POU2F2: variants seen among roughly 807,000 people sequenced by gnomAD.
POU2F2 encodes the protein POU domain, class 2, transcription factor 2.
Under a neutral mutation model 63.5 loss-of-function variants are expected in POU2F2, and 14 were observed. The ratio of observed to expected loss-of-function variants is 0.22; its 90% CI spans 0.15 to 0.34. The LOEUF is 0.34. Among genes scored for constraint, POU2F2 ranks in the 10% least tolerant of loss-of-function variants. POU2F2 has a pLI of 1.00. For synonymous variants in POU2F2, 306 were observed against 348.6 expected (o/e 0.88, Z 1.36); for missense variants, 607 against 815.2 (o/e 0.74, Z 3.11).
chr19:42,178,774 A>G (rs551071499), upstream of POU2F2, among the ~76,000 whole-genome samples: 1 of 152,344 alleles, frequency 6.6e-6, no homozygotes, highest in African/African-American at 2.4e-5. Context: ...AGAGACAGAA[A>G]GAAATGTGCA....
upstream of POU2F2, chr19:42,132,657 T>C: frequency 2.5e-6 from 1 of 401,956 alleles, no homozygotes; most frequent in Non-Finnish European, 4.4e-6. Flanking sequence ...AGCCGACTCC[T>C]ACGGCTGCGA....
At chr19:42,178,318 T>C (rs966875177), upstream of POU2F2, among the ~76,000 whole-genome samples, 1 of 146,450 alleles carries the variant, frequency 6.8e-6, no homozygotes, top group South Asian at 2.2e-4. Context: ...AGTGAAAAAA[T>C]ATATATGGGG....
Position 42,172,747 on chromosome 19 carries a change from G to T in POU2F2, c.-70+3216C>A, listed in dbSNP as rs764176369. On this transcript the variant is annotated intron_variant, in intron 1 of 6. Coordinates refer to the POU2F2 transcript ENST00000524801. ...GCTCATTTGCTGGCTCTCCCTTCAG[G>T]ATATAAAGCGAGACCCACATCCTTA... 4.6e-4 allele frequency among the ~76,000 whole-genome samples: 70 copies of T among 152,244 alleles called. 1 individual carries two copies. The highest frequency in any genetic ancestry group is 7.6e-4 in the Non-Finnish European group (52 of 68,018).
rs2076870975 is a variant in POU2F2, at chr19:42,095,180, TTCTTGTCTCTGTTCTAGGCTCTG to T, written c.1197+83_1197+105del. ...GATGGCCTGTCTCCAAGAGTGACTC[TTCTTGTCTCTGTTCTAGGCTCTG>T]TGGACAACCAGGTAGGGTGGGCTTC... On this transcript the variant is annotated intron_variant, in intron 11 of 14. Transcript: ENST00000692977. This position sits in a 1 kb window ranked among gnomAD's most constrained non-coding sequence, Gnocchi z 7.1. 1 of 1,351,218 alleles carries T rather than the reference TTCTTGTCTCTGTTCTAGGCTCTG, an allele frequency of 7.4e-7. No homozygotes were observed. Among genetic ancestry groups the T allele is most frequent in the East Asian group, 2.5e-5 (1 of 39,898 alleles). 83.7% of individuals were successfully genotyped at this position (1,351,218 alleles called of 1,614,324 possible).
Position 42,116,867 on chromosome 19 carries a change from A to AGGAGGC in POU2F2, c.369+377_369+382dup, listed in dbSNP as rs753046749. 33 of 441,878 alleles carry AGGAGGC rather than the reference A, an allele frequency of 7.5e-5. No individual in the cohort carries two copies. The East Asian group carries it at 1.9e-3, about 25-fold the overall frequency. The allele number at this position is 441,878 out of a possible 1,614,324, so 27.4% of individuals were successfully genotyped here. On this transcript the variant is annotated intron_variant, in intron 5 of 14. Coordinates refer to ENST00000692977, the MANE Select transcript of POU2F2 (RefSeq NM_001394376.1). ...GAGGAGGAGGAGGAGGAAGTAGAGG[A>AGGAGGC]GGAGGCGGAGGCGGCGGCGGCGGCG...
intron 1 of POU2F2, among the ~76,000 whole-genome samples, chr19:42,125,487 G>T (rs776481425): frequency 1.3e-5 from 2 of 152,110 alleles, no homozygotes; most frequent in Non-Finnish European, 2.9e-5. Context: ...ACTGATACAA[G>T]ATATAAGAAG....
At chr19:42,107,671 A>G (rs2030345250) in intron 5 of POU2F2, among the ~76,000 whole-genome samples, 1 of 152,242 alleles carries the variant, frequency 6.6e-6, no homozygotes, top group African/African-American at 2.4e-5. Flanking sequence ...GATAGTAAAA[A>G]TTGAGATGTA....
chr19:42,091,537 A>G lies in POU2F2; in HGVS notation c.1595T>C (p.Leu532Pro), dbSNP rs1955355662. Reference sequence around the variant, plus strand: ...GGCTGCACCGGCTGCCCCCAGCACCAGATTCCCGCTGCCATCAAGGCTGGT... The same window carrying G: ...GGCTGCACCGGCTGCCCCCAGCACCGGATTCCCGCTGCCATCAAGGCTGGT... ...PLTSLDGSGN[L>P]VLGAAGAAPG... The change falls in exon 15 of 15, where the codon CTG becomes CCG. Residue 532 changes from leucine (L) to proline (P), a missense_variant. Leu to Pro is a moderately conservative substitution (Grantham distance 98). This residue lies in a region of POU2F2 where 270 missense variants were observed against 307.5 expected (regional missense o/e 0.88). Transcript: ENST00000692977. 1 of 1,548,192 alleles carries G rather than the reference A, an allele frequency of 6.5e-7. No homozygotes were observed. Among genetic ancestry groups the G allele is most frequent in the Non-Finnish European group, 8.7e-7 (1 of 1,144,676 alleles).
intron 11 of POU2F2, among the ~76,000 whole-genome samples, chr19:42,094,230 A>G (rs745311698): frequency 2.0e-5 from 3 of 152,182 alleles, no homozygotes; most frequent in Non-Finnish European, 4.4e-5. Flanking sequence ...CTGCAAAACT[A>G]AAACTCTTTT....
intron 1 of POU2F2, among the ~76,000 whole-genome samples, chr19:42,170,437 A>T (rs2034739212): frequency 6.6e-6 from 1 of 152,036 alleles, no homozygotes; most frequent in Admixed American, 6.6e-5. Context: ...CCAAAAAAAA[A>T]AAAAAAATGC....
intron 1 of POU2F2, among the ~76,000 whole-genome samples, chr19:42,174,475 T>C (rs2034832808): frequency 6.6e-6 from 1 of 151,962 alleles, no homozygotes; most frequent in Admixed American, 6.5e-5. Flanking sequence ...TAGCGAGTGA[T>C]ACATAAACAT....
chr19:42,170,785 C>T (rs182692019), intron 1 of POU2F2, among the ~76,000 whole-genome samples: 1 of 152,388 alleles, frequency 6.6e-6, no homozygotes, highest in African/African-American at 2.4e-5. Flanking sequence ...CTGGGAAACC[C>T]ACCCTGCTGC....
At chr19:42,125,406 A>T (rs1457785628) in intron 1 of POU2F2, among the ~76,000 whole-genome samples, 2 of 146,216 alleles carry the variant, frequency 1.4e-5, no homozygotes, top group Non-Finnish European at 1.5e-5. Flanking sequence ...GGGGGTGGGG[A>T]GTGGGTGCCC....
At chr19:42,158,774 C>T (rs2034502175) in intron 2 of POU2F2, among the ~76,000 whole-genome samples, 1 of 152,206 alleles carries the variant, frequency 6.6e-6, no homozygotes, top group Non-Finnish European at 1.5e-5. Flanking sequence ...CAACTGGAAA[C>T]ATAATTAAAC....
chr19:42,103,955 T>C (rs964737349), intron 5 of POU2F2, among the ~76,000 whole-genome samples: 38 of 152,132 alleles, frequency 2.5e-4, no homozygotes, highest in African/African-American at 9.2e-4. Flanking sequence ...ATTTCTTTAA[T>C]ATACAAAGAG....
intron 5 of POU2F2, among the ~76,000 whole-genome samples, chr19:42,104,177 T>C (rs2077249924): frequency 6.6e-6 from 1 of 152,116 alleles, no homozygotes; most frequent in Admixed American, 6.6e-5. Context: ...TGAGATATCA[T>C]TTTTACCTCT....
In POU2F2 at chr19:42,088,234, T is replaced by C. The variant is rs1286597441; in HGVS notation, c.*3023A>G. ...CTGTAGTTAAAGCTTGGGATTTGGT[T>C]ATTTTTCCCCCTCCCAGGAATTTTT... On this transcript the variant is annotated 3_prime_UTR_variant, in exon 15 of 15. Transcript: ENST00000692977. 2.6e-5 allele frequency: 4 copies of C among 152,266 alleles called. No individual in the cohort carries two copies. The highest frequency in any genetic ancestry group is 4.4e-5 in the Non-Finnish European group (3 of 68,074). 9.4% of individuals were successfully genotyped at this position (152,266 alleles called of 1,614,324 possible).
At chr19:42,185,421 T>C (rs1047384497) in intron 1 of POU2F2, among the ~76,000 whole-genome samples, 15 of 152,164 alleles carry the variant, frequency 9.9e-5, no homozygotes, top group African/African-American at 3.6e-4. Flanking sequence ...TTACTTCCTG[T>C]TGCACACAGG....
chr19:42,103,794 G>C (rs964226387), intron 5 of POU2F2, among the ~76,000 whole-genome samples: 1 of 151,850 alleles, frequency 6.6e-6, no homozygotes, highest in Non-Finnish European at 1.5e-5. Context: ...CACCACGCCT[G>C]GCTAATTTTT....
Sources: allele counts gnomAD v4.1 joint callset (sites outside exome capture counted in the v4.1 genomes callset), GRCh38; gene constraint gnomAD v4.1.1; regional missense constraint gnomAD v4.1.1; non-coding constraint Gnocchi (gnomAD v3.1); transcripts MANE v1.5; gene names NCBI Gene and HGNC (gene_info 2026-07-23, HGNC 2026-07-21).